Variants in NELL1 observed in about 807,000 individuals in gnomAD.
NELL1 encodes the protein protein kinase C-binding protein NELL1.
A neutral mutation model predicts 107.4 loss-of-function variants in NELL1; 76 were observed. The observed-to-expected ratio is 0.71, with a 90% CI of 0.59 to 0.86. NELL1 has a LOEUF of 0.86. Among genes scored for constraint, NELL1 ranks in the 40% least tolerant of loss-of-function variants. NELL1 has a pLI of 0.00. For missense variants in NELL1, 1,024 were observed against 1,005.5 expected (o/e 1.02, Z -0.25); for synonymous variants, 353 against 341.2 (o/e 1.03, Z -0.38).
At chr11:21,131,232 A>G (rs1231283629) in intron 13 of NELL1, among the ~76,000 whole-genome samples, 1 of 152,210 alleles carries the variant, frequency 6.6e-6, no homozygotes, top group African/African-American at 2.4e-5. Context: ...TATATTATCT[A>G]TAACAATAAT....
intron 12 of NELL1, among the ~76,000 whole-genome samples, chr11:21,055,893 A>G (rs1853603788): frequency 6.6e-6 from 1 of 152,164 alleles, no homozygotes; most frequent in Non-Finnish European, 1.5e-5. Context: ...TCTGGTAATA[A>G]TGAGGATGGG....
intron 14 of NELL1, among the ~76,000 whole-genome samples, chr11:21,268,112 A>G (rs1424537005): frequency 6.6e-6 from 1 of 152,200 alleles, no homozygotes; most frequent in African/African-American, 2.4e-5. Context: ...CAAAGAACTT[A>G]AGGAAGAAAA....
Position 20,731,868 on chromosome 11 carries a change from T to C in NELL1, c.185-51812T>C, listed in dbSNP as rs143527598. Among the ~76,000 whole-genome samples, 1,170 of 152,298 alleles carry C rather than the reference T, an allele frequency of 7.7e-3. 14 individuals are homozygous for C. Among genetic ancestry groups the C allele is most frequent in the African/African-American group, 0.027 (1,120 of 41,558 alleles). On this transcript the variant is annotated intron_variant, in intron 2 of 19. Transcript: ENST00000357134. ...GGGAGCAGGTGTGCGCAGATACATGTGGTAAGGATGTGCATATGTGTGGGT... is the reference window on the plus strand; with the variant it reads ...GGGAGCAGGTGTGCGCAGATACATGCGGTAAGGATGTGCATATGTGTGGGT...
In NELL1 at chr11:20,718,024, CAGTT is replaced by C. The variant is rs1366796125; in HGVS notation, c.184+39969_184+39972del. On this transcript the variant is annotated intron_variant, in intron 2 of 19. Coordinates refer to ENST00000357134, the MANE Select transcript of NELL1 (RefSeq NM_006157.5). ...TGACTTCTCCCTTCTTGAGCTCATG[CAGTT>C]AGTTTTTTGGACTCACATTTATGTC... 2.6e-4 allele frequency among the ~76,000 whole-genome samples: 39 copies of C among 152,170 alleles called. 1 individual carries two copies. The highest frequency in any genetic ancestry group is 2.3e-3 in the Admixed American group (35 of 15,274).
At chr11:20,690,116 C>T (rs1188770536) in intron 2 of NELL1, among the ~76,000 whole-genome samples, 2 of 152,122 alleles carry the variant, frequency 1.3e-5, no homozygotes, top group East Asian at 1.9e-4. Flanking sequence ...ATCCTTTGCC[C>T]ACTTTTTGAT....
chr11:21,304,013 A>G (rs1471550325), intron 14 of NELL1, among the ~76,000 whole-genome samples: 2 of 151,998 alleles, frequency 1.3e-5, no homozygotes, highest in Admixed American at 1.3e-4. Context: ...GGGCAGAATT[A>G]ATCACCTCCC....
chr11:21,227,591 G>C (rs768053784), intron 13 of NELL1, among the ~76,000 whole-genome samples: 10 of 152,216 alleles, frequency 6.6e-5, no homozygotes, highest in Middle Eastern at 3.4e-3. Flanking sequence ...GTCTGCTATT[G>C]CACCTGCAAA....
At chr11:21,499,003 CAG>C (rs1364091895) in intron 15 of NELL1, among the ~76,000 whole-genome samples, 4 of 151,968 alleles carry the variant, frequency 2.6e-5, no homozygotes, top group Non-Finnish European at 4.4e-5. Context: ...TGTAGAATTA[CAG>C]AGTTTATAAT....
At chr11:21,478,255 C>A (rs774888218) in intron 15 of NELL1, among the ~76,000 whole-genome samples, 37 of 152,212 alleles carry the variant, frequency 2.4e-4, no homozygotes, top group Admixed American at 7.9e-4. Context: ...ATCTAATAAC[C>A]TCTCACCAGG....
intron 14 of NELL1, among the ~76,000 whole-genome samples, chr11:21,355,774 T>G (rs1850918276): frequency 6.6e-6 from 1 of 152,304 alleles, no homozygotes; most frequent in Admixed American, 6.5e-5. Flanking sequence ...TCATAAAAAC[T>G]TTTTCAAATT....
chr11:21,560,151 T>A (rs1462140046), intron 16 of NELL1, 38 bp from the exon 17 acceptor site: 1 of 1,592,524 alleles, frequency 6.3e-7, no homozygotes. Context: ...TAAGTTCCCT[T>A]GGCTAGATTC....
At chr11:21,298,564 T>A (rs1233656707) in intron 14 of NELL1, among the ~76,000 whole-genome samples, 1 of 151,914 alleles carries the variant, frequency 6.6e-6, no homozygotes, top group Non-Finnish European at 1.5e-5. Context: ...TGAAATCTTA[T>A]CCATCACCCT....
chr11:20,778,965 C>T (rs184621010), intron 2 of NELL1, among the ~76,000 whole-genome samples: 1 of 151,994 alleles, frequency 6.6e-6, no homozygotes, highest in Admixed American at 6.6e-5. Flanking sequence ...TTTTTTCTCT[C>T]TCTCTCTGCT....
intron 2 of NELL1, among the ~76,000 whole-genome samples, chr11:20,747,692 C>A (rs545929182): frequency 6.6e-6 from 1 of 152,232 alleles, no homozygotes; most frequent in African/African-American, 2.4e-5. Flanking sequence ...TTGGAGGTGA[C>A]AAATGTTCAC....
intron 12 of NELL1, among the ~76,000 whole-genome samples, chr11:20,995,816 C>T (rs1387479778): frequency 6.6e-6 from 1 of 152,092 alleles, no homozygotes; most frequent in African/African-American, 2.4e-5. Context: ...TGTAAATCAC[C>T]TCCTTAGAGC....
chr11:21,110,051 C>T (rs1855069136), intron 12 of NELL1, among the ~76,000 whole-genome samples: 2 of 152,114 alleles, frequency 1.3e-5, no homozygotes, highest in African/African-American at 4.8e-5. Flanking sequence ...CTCCACTTCA[C>T]TTTCTCTCTC....
chr11:20,875,267 T>C (rs1849282785), intron 4 of NELL1, among the ~76,000 whole-genome samples: 1 of 152,174 alleles, frequency 6.6e-6, no homozygotes, highest in Non-Finnish European at 1.5e-5. Context: ...CTTTGGACCC[T>C]TTTCATTTTT....
chr11:21,115,995 A>T (rs1855226779), intron 13 of NELL1, among the ~76,000 whole-genome samples: 1 of 151,864 alleles, frequency 6.6e-6, no homozygotes, highest in Admixed American at 6.6e-5. Context: ...TTTCCTCACA[A>T]CAAAACTTCT....
rs1288028582 is a variant in NELL1 at position 20,970,053 on chromosome 11, G to GTCCGTCCATCCA, written c.1300+9496_1300+9497insGTCCATCCATCC. Among the ~76,000 whole-genome samples the GTCCGTCCATCCA allele has an allele frequency of 4.7e-4, 59 of 126,052 alleles. 1 individual carries two copies. The highest frequency in any genetic ancestry group is 2.0e-3 in the African/African-American group (58 of 29,236). The allele number at this position is 126,052 out of a possible 152,430, so 82.7% of individuals were successfully genotyped here. The stretch of plus-strand genomic sequence containing the variant: ...ATATAAATATCTAATCTATCTCTCT[G>GTCCGTCCATCCA]TCCATCCATCCATCCATCCATCCAT... On this transcript the variant is annotated intron_variant, in intron 12 of 19. Transcript: ENST00000357134.
Sources: allele counts gnomAD v4.1 joint callset (sites outside exome capture counted in the v4.1 genomes callset), GRCh38; gene constraint gnomAD v4.1.1; transcripts MANE v1.5; gene names NCBI Gene and HGNC (gene_info 2026-07-23, HGNC 2026-07-21).